Variants in ODAD3 observed in about 807,000 individuals in gnomAD.
ODAD3 encodes outer dynein arm-docking complex subunit 3.
Under a neutral mutation model 70.9 loss-of-function variants are expected in ODAD3, and 57 were observed. The ratio of observed to expected loss-of-function variants is 0.80; its 90% CI spans 0.65 to 1.00. The LOEUF (loss-of-function observed/expected upper bound fraction) is 1.00. ODAD3 is among the 50% of genes least tolerant of loss of function. The pLI, the probability that ODAD3 is intolerant of heterozygous loss-of-function variation, is 0.00. For missense variants in ODAD3, 797 were observed against 763.9 expected, an observed-to-expected ratio of 1.04 and a Z score of -0.51; for synonymous variants, 327 against 315.9, an observed-to-expected ratio of 1.04 and a Z score of -0.37.
intron 3 of ODAD3, among the ~76,000 whole-genome samples, 163 bp from the exon 4 acceptor site, chr19:11,427,203 G>A (rs1482212562): frequency 1.3e-5 from 2 of 152,070 alleles, no homozygotes; most frequent in East Asian, 1.9e-4. Context: ...TTTGTAGAGA[G>A]AGCACCGGAG....
intron 12 of ODAD3, 71 bp downstream of exon 12, chr19:11,421,057 G>A (rs1316537229): frequency 1.3e-6 from 2 of 1,586,382 alleles, no homozygotes; most frequent in Admixed American, 3.4e-5. Context: ...CCTGAACAGG[G>A]TATCTGACAA....
chr19:11,435,201 C>T, upstream of ODAD3: 2 of 1,424,988 alleles, frequency 1.4e-6, no homozygotes, highest in Non-Finnish European at 9.2e-7. Flanking sequence ...CCACTGTTTC[C>T]ATGGAGATCA....
At chr19:11,425,009 A>G (rs1348576482) in intron 7 of ODAD3, among the ~76,000 whole-genome samples, 2 of 133,024 alleles carry the variant, frequency 1.5e-5, no homozygotes, top group East Asian at 2.2e-4. Context: ...ATATGTATAT[A>G]TGTGTATATA....
intron 11 of ODAD3, 22 bp from the exon 12 acceptor site, chr19:11,421,234 G>A: frequency 6.2e-7 from 1 of 1,606,566 alleles, no homozygotes; most frequent in African/African-American, 1.3e-5. Flanking sequence ...TGGGAAGCGA[G>A]AGAGGAAGGT....
intron 7 of ODAD3, 21 bp from the exon 8 acceptor site, chr19:11,424,050 G>C (rs371436780): frequency 1.3e-6 from 2 of 1,597,998 alleles, no homozygotes; most frequent in Non-Finnish European, 1.7e-6. Context: ...GTTGAGGTCA[G>C]AGCCAGGGTC....
Position 11,422,482 on chromosome 19 carries a change from G to T in ODAD3, c.1423C>A (p.His475Asn), listed in dbSNP as rs890854267. The change falls in exon 10 of 13, where the codon CAC becomes AAC. Residue 475 changes from histidine to asparagine, a missense_variant. Physicochemically the swap from His to Asn is moderately conservative, Grantham distance 68. Coordinates refer to ENST00000356392, the MANE Select transcript of ODAD3 (RefSeq NM_145045.5). This position sits in a 1 kb window ranked among gnomAD's most constrained non-coding sequence, Gnocchi z 4.6. The stretch of plus-strand genomic sequence containing the variant: ...TGGGCGGGGCCTACCACAGTGATGT[G>T]GATCAGCTTGCTGGCCAGGTGCTCC... The part of the protein sequence containing the change: ...SLEHLASKLI[H>N]ITVEDGRFAG... 1 of 1,592,810 alleles carries T rather than the reference G, an allele frequency of 6.3e-7. No individual in the cohort carries two copies. The highest frequency in any genetic ancestry group is 1.3e-5 in the African/African-American group (1 of 74,862).
At chr19:11,425,069 ATG>A (rs1296598741) in intron 7 of ODAD3, among the ~76,000 whole-genome samples, 1 of 124,518 alleles carries the variant, frequency 8.0e-6, no homozygotes, top group Non-Finnish European at 1.6e-5. Context: ...ATGTGTATAT[ATG>A]TATATGTGTA....
rs774790443 is a variant in ODAD3 at position 11,426,119 on chromosome 19, G to GGCGCGCACCCCTGGGT, written c.963+9_963+24dup. 3.1e-6 allele frequency: 5 copies of GGCGCGCACCCCTGGGT among 1,597,622 alleles called. No individual in the cohort carries two copies. In the South Asian group the frequency reaches 5.5e-5, roughly 18 times the overall value. ...TGTGCTGGGCTGGGCTGGAGTCACA[G>GGCGCGCACCCCTGGGT]GCGCGCACCCCTGGGTGCGCCCACC... On this transcript the variant is annotated intron_variant, in intron 7 of 12. Coordinates refer to ENST00000356392, the MANE Select transcript of ODAD3 (RefSeq NM_145045.5).
rs1373036735 is a variant in ODAD3 at position 11,434,992 on chromosome 19, C to T, written c.25G>A (p.Ala9Thr). The change falls in exon 1 of 13, where the codon GCC becomes ACC. Residue 9 changes from alanine (A) to threonine (T), a missense_variant. Transcript: ENST00000356392. ...TGAGGAGGCAGGGCGTTGGCGGAGGCCGCCCTGCACAGAGGAGATGTCATG... is the reference window on the plus strand; with the variant it reads ...TGAGGAGGCAGGGCGTTGGCGGAGGTCGCCCTGCACAGAGGAGATGTCATG... Reference protein sequence around the residue: MTSPLCRAASANALPPQDQ... With the variant: MTSPLCRATSANALPPQDQ... The T allele has an allele frequency of 6.2e-7, 1 of 1,612,384 alleles. No homozygotes were observed. Among genetic ancestry groups the T allele is most frequent in the Admixed American group, 1.7e-5 (1 of 60,024 alleles).
At position 11,426,961 on chromosome 19, in the gene ODAD3, T is replaced by C. The variant is rs1309583780; in HGVS notation, c.524A>G (p.Gln175Arg). 7.5e-6 allele frequency: 12 copies of C among 1,608,882 alleles called. 1 individual carries two copies. In the East Asian group the frequency reaches 2.7e-4, roughly 36 times the overall value. Residue 175 changes from glutamine to arginine, a missense_variant, in exon 4 of 13, where the codon CAG becomes CGG. Coordinates refer to ENST00000356392, the MANE Select transcript of ODAD3 (RefSeq NM_145045.5). Reference sequence around the variant, plus strand: ...CAGCTGGAGCTCCTCCAGCCGCCTCTGCCGCAACACCACCTGGTGCCGCAG... The same window carrying C: ...CAGCTGGAGCTCCTCCAGCCGCCTCCGCCGCAACACCACCTGGTGCCGCAG... ...NALRHQVVLR[Q>R]RRLEELQLQH... is the part of the protein sequence containing the mutation.
chr19:11,425,261 A>G lies in ODAD3; in HGVS notation c.963+883T>C, dbSNP rs1467874777. 2.9e-5 allele frequency among the ~76,000 whole-genome samples: 4 copies of G among 139,608 alleles called. 1 individual carries two copies. Among genetic ancestry groups the G allele is most frequent in the Non-Finnish European group, 4.5e-5 (3 of 66,752 alleles). The allele number at this position is 139,608 out of a possible 152,430, so 91.6% of individuals were successfully genotyped here. On this transcript the variant is annotated intron_variant, in intron 7 of 12. Coordinates refer to ENST00000356392, the MANE Select transcript of ODAD3 (RefSeq NM_145045.5). ...CATATGTGTATATATGTATATGTACATATGTGTATATGTGTGTATATGTAC... is the reference window on the plus strand; with the variant it reads ...CATATGTGTATATATGTATATGTACGTATGTGTATATGTGTGTATATGTAC...
chr19:11,425,169 A>G (rs1337297986), intron 7 of ODAD3, among the ~76,000 whole-genome samples: 2 of 138,212 alleles, frequency 1.4e-5, no homozygotes, highest in Non-Finnish European at 3.0e-5. Context: ...ACATATGTGT[A>G]TATGTACATA....
In ODAD3 at chr19:11,425,445, A is replaced by G. The variant is rs552646463; in HGVS notation, c.963+699T>C. ...TATATACACATATGTGTATATGTATATATACATATATGTGTGTGTATATAT... is the reference window on the plus strand; with the variant it reads ...TATATACACATATGTGTATATGTATGTATACATATATGTGTGTGTATATAT... On this transcript the variant is annotated intron_variant, in intron 7 of 12. Coordinates refer to ENST00000356392, the MANE Select transcript of ODAD3 (RefSeq NM_145045.5). Among the ~76,000 whole-genome samples the G allele has an allele frequency of 8.6e-5, 12 of 139,476 alleles. 1 individual carries two copies. The highest frequency in any genetic ancestry group is 8.4e-4 in the Admixed American group (12 of 14,220). 91.5% of individuals were successfully genotyped at this position (139,476 alleles called of 152,430 possible). A position where few individuals can be genotyped will look rare whatever the true frequency, so the allele number is the denominator to read the frequency against.
At chr19:11,421,870 G>A in intron 10 of ODAD3, 38 bp from the exon 11 acceptor site, 1 of 1,584,668 alleles carries the variant, frequency 6.3e-7, no homozygotes, top group Non-Finnish European at 8.6e-7. Context: ...CGAGAGGGGT[G>A]GGGCCTCTTG....
chr19:11,435,010 A>C lies in ODAD3; in HGVS notation c.7T>G (p.Ser3Ala). 2 of 1,610,452 alleles carry C rather than the reference A, an allele frequency of 1.2e-6. No homozygotes were observed. The highest frequency in any genetic ancestry group is 2.7e-5 in the African/African-American group (2 of 75,014). The change falls in exon 1 of 13, where the codon TCT becomes GCT. Residue 3 changes from serine (S) to alanine (A), a missense_variant. Physicochemically the swap from Ser to Ala is moderately conservative, Grantham distance 99. Coordinates refer to ENST00000356392, the MANE Select transcript of ODAD3 (RefSeq NM_145045.5). ...GCGGAGGCCGCCCTGCACAGAGGAG[A>C]TGTCATGATGGGGTTGGGGCTGAAG... MT[S>A]PLCRAASANA...
At chr19:11,435,206 A>T (rs555072297), upstream of ODAD3, 20 of 1,423,108 alleles carry the variant, frequency 1.4e-5, no homozygotes, top group East Asian at 2.5e-5. Context: ...GTTTCCATGG[A>T]GATCACCCGC....
chr19:11,431,709 C>T (rs925182279), intron 1 of ODAD3, among the ~76,000 whole-genome samples: 1 of 149,990 alleles, frequency 6.7e-6, no homozygotes, highest in African/African-American at 2.5e-5. Context: ...CCAAAGTGAG[C>T]GGATCACGAG....
intron 7 of ODAD3, 65 bp downstream of exon 7, chr19:11,426,079 A>C: frequency 6.4e-7 from 1 of 1,561,758 alleles, no homozygotes; most frequent in South Asian, 1.1e-5. Flanking sequence ...AGGGAGAGCC[A>C]GGGCATGGCT....
chr19:11,433,099 T>A (rs750728369), intron 1 of ODAD3, among the ~76,000 whole-genome samples: 3 of 152,118 alleles, frequency 2.0e-5, no homozygotes, highest in Non-Finnish European at 4.4e-5. Flanking sequence ...CAGCCATGAT[T>A]ACCTCTTAAT....
Sources: gnomAD v4.1 joint callset for allele counts (sites outside exome capture counted in the v4.1 genomes callset) on GRCh38, gnomAD v4.1.1 for gene constraint, Gnocchi (gnomAD v3.1) non-coding constraint, MANE v1.5 for transcripts, NCBI Gene and HGNC (gene_info 2026-07-23, HGNC 2026-07-21) for gene names.